MYO7B: variants seen among roughly 807,000 people sequenced by gnomAD.
The protein encoded by MYO7B is myosin VIIB.
In MYO7B, 212 loss-of-function variants were observed where a neutral mutation model predicts 259.7. That is an observed-to-expected ratio of 0.82 (90% CI 0.73 to 0.91). The LOEUF (loss-of-function observed/expected upper bound fraction) is 0.91, where lower values mean the gene tolerates loss of function less well. Among genes scored for constraint, MYO7B ranks in the 40% least tolerant of loss-of-function variants. The probability of loss-of-function intolerance (pLI) is 0.00; values close to 1 mark genes in which losing one functional copy is unlikely to be tolerated. For missense variants in MYO7B, 2,732 were observed against 2,813.5 expected, an observed-to-expected ratio of 0.97 and a Z score of 0.66; for synonymous variants, 1,197 against 1,166.4, an observed-to-expected ratio of 1.03 and a Z score of -0.54.
chr2:127,612,390 T>A, intron 25 of MYO7B, 63 bp downstream of exon 25: 1 of 1,532,578 alleles, frequency 6.5e-7, no homozygotes, highest in Non-Finnish European at 8.8e-7. Flanking sequence ...GGTTCCAGTC[T>A]ATTGCTTCCC....
rs117966861 is a variant in MYO7B at position 127,558,598 on chromosome 2, A to C, written c.-23-1102A>C. 4.9e-3 allele frequency among the ~76,000 whole-genome samples: 745 copies of C among 152,342 alleles called. 21 individuals carry two copies. The highest frequency in any genetic ancestry group is 0.041 in the East Asian group (211 of 5,186). On this transcript the variant is annotated intron_variant, in intron 1 of 47. Transcript: ENST00000409816. ...TTGCAAAAATGTGGAACCAGCCCAA[A>C]TGCCTATCAGTGAACAAGTGGATAA... is the stretch of plus-strand genomic sequence containing the variant.
At chr2:127,626,785 GA>G (rs1048706954) in intron 31 of MYO7B, 189 bp from the exon 32 acceptor site, 406 of 559,778 alleles carry the variant, frequency 7.3e-4, no homozygotes, top group Middle Eastern at 1.9e-3. Context: ...TCTCAAAAAA[GA>G]AAAAAAAAGG....
At chr2:127,553,009 T>C (rs1693507374) in intron 1 of MYO7B, among the ~76,000 whole-genome samples, 1 of 152,210 alleles carries the variant, frequency 6.6e-6, no homozygotes, top group Admixed American at 6.5e-5. Context: ...CTCAGTTTTC[T>C]CACCTGTAAA....
At position 127,559,513 on chromosome 2, in the gene MYO7B, T is replaced by C. The variant is rs1368064175; in HGVS notation, c.-23-187T>C. On this transcript the variant is annotated intron_variant, in intron 1 of 47. Transcript: ENST00000409816. The surrounding 1 kb of genome is among the most constrained non-coding windows in gnomAD (Gnocchi z 4.1). ...TAAAGGTGACATAGGATGAAGAAGC[T>C]GAGAACAGCTCTTGCACTTGGGCTA... 6.6e-6 allele frequency among the ~76,000 whole-genome samples: 1 copy of C among 152,200 alleles called. No homozygotes were observed. The highest frequency in any genetic ancestry group is 1.5e-5 in the Non-Finnish European group (1 of 68,030).
At chr2:127,545,001 A>T (rs1693165482) in intron 1 of MYO7B, among the ~76,000 whole-genome samples, 2 of 152,186 alleles carry the variant, frequency 1.3e-5, no homozygotes, top group South Asian at 2.1e-4. Context: ...CTGGGATTAC[A>T]GGTGTGAGCC....
At chr2:127,588,286 G>GCTCCTCCAC in intron 14 of MYO7B, 106 bp from the exon 15 acceptor site, 1 of 1,309,350 alleles carries the variant, frequency 7.6e-7, no homozygotes, top group Admixed American at 2.2e-5. Flanking sequence ...ATTGTAGGAG[G>GCTCCTCCAC]GGGCTCCTCC....
rs1326108594 is a variant in MYO7B at position 127,634,693 on chromosome 2, C to G, written c.5713+10C>G. 1.4e-5 allele frequency: 23 copies of G among 1,603,634 alleles called. No homozygotes were observed. The highest frequency in any genetic ancestry group is 1.9e-5 in the Non-Finnish European group (22 of 1,177,550). On this transcript the variant is annotated intron_variant, in intron 42 of 47. Transcript: ENST00000409816. ...AAGCCCCAGAAAGAAGGTGAGGAGGCCTCTGTGGAGCTGGGGGAGGGCGTG... is the reference window on the plus strand; with the variant it reads ...AAGCCCCAGAAAGAAGGTGAGGAGGGCTCTGTGGAGCTGGGGGAGGGCGTG...
chr2:127,580,942 T>A, intron 10 of MYO7B, 120 bp downstream of exon 10: 1 of 1,035,140 alleles, frequency 9.7e-7, no homozygotes, highest in South Asian at 1.4e-5. Flanking sequence ...TCCCAGGGCC[T>A]ATGCTCAAAC....
chr2:127,591,603 T>C (rs1679561777), intron 16 of MYO7B, among the ~76,000 whole-genome samples: 1 of 152,186 alleles, frequency 6.6e-6, no homozygotes, highest in Admixed American at 6.5e-5. Context: ...AGCTAAACAC[T>C]TACCCGAGGC....
At chr2:127,578,412 A>T in intron 9 of MYO7B, 126 bp downstream of exon 9, 1 of 1,233,418 alleles carries the variant, frequency 8.1e-7, no homozygotes, top group East Asian at 2.6e-5. Context: ...GGAAAAATAT[A>T]TCTAAAAAAT....
chr2:127,551,554 C>T (rs930779145), intron 1 of MYO7B, among the ~76,000 whole-genome samples: 1 of 152,202 alleles, frequency 6.6e-6, no homozygotes, highest in African/African-American at 2.4e-5. Context: ...AGTCCACACT[C>T]GAGATGGGGT....
At chr2:127,618,221 T>C (rs1023086995) in intron 26 of MYO7B, among the ~76,000 whole-genome samples, 1 of 152,198 alleles carries the variant, frequency 6.6e-6, no homozygotes, top group African/African-American at 2.4e-5. Context: ...GAGTTACTAC[T>C]GTCACTACTT....
In MYO7B at chr2:127,582,410, T is replaced by C; in HGVS notation, c.1307T>C (p.Leu436Pro). The change falls in exon 12 of 48, where the codon CTG becomes CCG. Residue 436 changes from leucine to proline, a missense_variant. Physicochemically the swap from Leu to Pro is moderately conservative, Grantham distance 98. This residue lies in a region of MYO7B where 1,906 missense variants were observed against 2,026.4 expected (regional missense o/e 0.94). Coordinates refer to ENST00000409816, the MANE Select transcript of MYO7B (RefSeq NM_001393586.1). Reference protein sequence around the residue: ...PKNVRRAIGLLDIFGFENFEN... With the variant: ...PKNVRRAIGLPDIFGFENFEN... ...AATGTGCGGAGGGCCATCGGCCTCCTGGACATATTTGGCTTTGAAAATTTC... is the reference window on the plus strand; with the variant it reads ...AATGTGCGGAGGGCCATCGGCCTCCCGGACATATTTGGCTTTGAAAATTTC... The C allele has an allele frequency of 6.2e-7, 1 of 1,613,356 alleles. No individual in the cohort carries two copies. The highest frequency in any genetic ancestry group is 8.5e-7 in the Non-Finnish European group (1 of 1,179,698).
intron 18 of MYO7B, among the ~76,000 whole-genome samples, chr2:127,595,565 C>T (rs1294071114): frequency 6.6e-6 from 1 of 152,014 alleles, no homozygotes; most frequent in Non-Finnish European, 1.5e-5. Flanking sequence ...GATGTCAGGG[C>T]GTCAATTTGA....
At position 127,585,197 on chromosome 2, in the gene MYO7B, C is replaced by T. The variant is rs190822801; in HGVS notation, c.1690+284C>T. ...ATTCAGAGTATATTAATGATTGCCA[C>T]AATTTTAGAACTTTTTCGCCACCCC... On this transcript the variant is annotated intron_variant, in intron 14 of 47. Coordinates refer to ENST00000409816, the MANE Select transcript of MYO7B (RefSeq NM_001393586.1). The surrounding 1 kb of genome is among the most constrained non-coding windows in gnomAD (Gnocchi z 4.3). 1.3e-4 allele frequency among the ~76,000 whole-genome samples: 20 copies of T among 152,292 alleles called. No homozygotes were observed. Among genetic ancestry groups the T allele is most frequent in the African/African-American group, 4.6e-4 (19 of 41,564 alleles).
chr2:127,560,053 G>A (rs543648966), intron 2 of MYO7B, among the ~76,000 whole-genome samples: 3 of 146,052 alleles, frequency 2.1e-5, no homozygotes, highest in East Asian at 2.0e-4. Context: ...TTCAGACAGG[G>A]TCTCACTCTG....
At position 127,559,668 on chromosome 2, in the gene MYO7B, G is replaced by T. The variant is rs1326392334; in HGVS notation, c.-23-32G>T. 3.7e-6 allele frequency: 6 copies of T among 1,611,284 alleles called. No homozygotes were observed. In the Admixed American group the frequency reaches 6.7e-5, roughly 18 times the overall value. On this transcript the variant is annotated intron_variant, in intron 1 of 47. Transcript: ENST00000409816. This position sits in a 1 kb window ranked among gnomAD's most constrained non-coding sequence, Gnocchi z 4.1. ...GGGGCTCCTATTGGGGCTGTGTATG[G>T]AGCTGACGTTCTGCTTTCTCTCTCC...
rs1324676840 is a variant in MYO7B at position 127,622,074 on chromosome 2, G to A, written c.3618G>A (p.Ala1206=). The A allele has an allele frequency of 2.7e-5, 42 of 1,550,516 alleles. No homozygotes were observed. Among genetic ancestry groups the A allele is most frequent in the Non-Finnish European group, 3.2e-5 (37 of 1,146,248 alleles). Residue 1206 remains alanine (A), a synonymous_variant, in exon 28 of 48, where the codon GCG becomes GCA. Coordinates refer to ENST00000409816, the MANE Select transcript of MYO7B (RefSeq NM_001393586.1). Reference sequence around the variant, plus strand: ...GCACCTATGCCAATGGGGTGCGTGCGGAGCCCCCCACCTGGCTGGAGCTGC... The same window carrying A: ...GCACCTATGCCAATGGGGTGCGTGCAGAGCCCCCCACCTGGCTGGAGCTGC... ...LRRTYANGVR[A]EPPTWLELQA... is the part of the protein sequence containing the mutation.
Position 127,612,319 on chromosome 2 carries a change from A to T in MYO7B, c.3262A>T (p.Thr1088Ser). The T allele has an allele frequency of 9.7e-7, 1 of 1,030,600 alleles. No individual in the cohort carries two copies. Among genetic ancestry groups the T allele is most frequent in the Non-Finnish European group, 1.5e-6 (1 of 687,528 alleles). The allele number at this position is 1,030,600 out of a possible 1,614,324, so 63.8% of individuals were successfully genotyped here. Residue 1088 changes from threonine to serine, a missense_variant, in exon 25 of 48, where the codon ACA becomes TCA. By Grantham distance (58) the Thr-to-Ser change is moderately conservative (BLOSUM62 1). Around this residue, in one of 3 missense-constraint regions of MYO7B, gnomAD observed 1,906 missense variants for 2,026.4 expected, o/e 0.94. Coordinates refer to ENST00000409816, the MANE Select transcript of MYO7B (RefSeq NM_001393586.1). Reference protein sequence around the residue: ...SMKLKRSSRITGQVASQLNIG... With the variant: ...SMKLKRSSRISGQVASQLNIG... Reference sequence around the variant, plus strand: ...GAAGCTGAAGCGGTCCTCCCGGATCACAGGCCAGGTGAGCCCAGAGCACAG... The same window carrying T: ...GAAGCTGAAGCGGTCCTCCCGGATCTCAGGCCAGGTGAGCCCAGAGCACAG...
Sources: gnomAD v4.1 joint callset for allele counts (sites outside exome capture counted in the v4.1 genomes callset) on GRCh38, gnomAD v4.1.1 for gene constraint, gnomAD v4.1.1 regional missense constraint, Gnocchi (gnomAD v3.1) non-coding constraint, MANE v1.5 for transcripts, NCBI Gene and HGNC (gene_info 2026-07-23, HGNC 2026-07-21) for gene names.